Variants in PAIP1 observed in about 807,000 individuals in gnomAD.
The protein encoded by PAIP1 is poly(A) binding protein interacting protein 1.
In PAIP1, 16 loss-of-function variants were observed where a neutral mutation model predicts 61.3. The ratio of observed to expected loss-of-function variants is 0.26; its 90% CI spans 0.18 to 0.40. The LOEUF (loss-of-function observed/expected upper bound fraction) is 0.40. PAIP1 is among the 10% of genes least tolerant of loss of function. The pLI, the probability that PAIP1 is intolerant of heterozygous loss-of-function variation, is 1.00. For synonymous variants in PAIP1, 187 were observed against 226.2 expected, an observed-to-expected ratio of 0.83 and a Z score of 1.56; for missense variants, 416 against 600.9, an observed-to-expected ratio of 0.69 and a Z score of 3.22.
chr5:43,556,782 C>A lies in PAIP1; in HGVS notation c.65G>T (p.Gly22Val). Residue 22 changes from glycine to valine, a missense_variant, in exon 1 of 11, where the codon GGA becomes GTA. Physicochemically the swap from Gly to Val is moderately radical, Grantham distance 109. This residue lies in a region of PAIP1 where 97 missense variants were observed against 89.5 expected (regional missense o/e 1.08). Coordinates refer to ENST00000306846, the MANE Select transcript of PAIP1 (RefSeq NM_006451.5). ...ACCGCCGCCCTCAGGCCCGCCCCCTCCGCGGCCCAGGCCCCGGCTCCGGCC... is the reference window on the plus strand; with the variant it reads ...ACCGCCGCCCTCAGGCCCGCCCCCTACGCGGCCCAGGCCCCGGCTCCGGCC... ...GRGRSRGLGRGGGGPEGGGFP... is the reference protein window; with the variant it reads ...GRGRSRGLGRVGGGPEGGGFP... 1.4e-6 allele frequency: 2 copies of A among 1,442,440 alleles called. No homozygotes were observed. The highest frequency in any genetic ancestry group is 2.3e-4 in the Middle Eastern group (1 of 4,432). 89.4% of individuals were successfully genotyped at this position (1,442,440 alleles called of 1,614,324 possible). A position where few individuals can be genotyped will look rare whatever the true frequency, so the allele number is the denominator to read the frequency against.
intron 4 of PAIP1, among the ~76,000 whole-genome samples, chr5:43,542,261 G>A (rs928179088): frequency 6.6e-6 from 1 of 151,320 alleles, no homozygotes; most frequent in African/African-American, 2.4e-5. Flanking sequence ...GGCAGTGCAG[G>A]GTGGCTCATG....
intron 10 of PAIP1, among the ~76,000 whole-genome samples, chr5:43,527,688 A>C (rs914147776): frequency 1.3e-5 from 2 of 152,204 alleles, no homozygotes; most frequent in African/African-American, 4.8e-5. Context: ...GTGTGAAATT[A>C]TAGTAAAGAA....
intron 9 of PAIP1, among the ~76,000 whole-genome samples, chr5:43,530,813 C>T (rs76617372): frequency 3.9e-4 from 59 of 152,208 alleles, no homozygotes; most frequent in African/African-American, 1.2e-3. Context: ...ATATAAACTG[C>T]AGCTGCTGCA....
intron 3 of PAIP1, among the ~76,000 whole-genome samples, chr5:43,543,719 A>C (rs1747513908): frequency 6.6e-6 from 1 of 152,220 alleles, no homozygotes; most frequent in Non-Finnish European, 1.5e-5. Context: ...AAAAGTAAGA[A>C]AACACTACAC....
At chr5:43,543,758 G>T (rs148458530) in intron 3 of PAIP1, among the ~76,000 whole-genome samples, 1 of 151,540 alleles carries the variant, frequency 6.6e-6, no homozygotes, top group African/African-American at 2.4e-5. Flanking sequence ...AACTGAAGCA[G>T]TGTTCAGCAA....
At position 43,556,863 on chromosome 5, in the gene PAIP1, C is replaced by G. The variant is rs1249688547; in HGVS notation, c.-17G>C. Reference sequence around the variant, plus strand: ...GTCCGACATGCTCCTCCTCCTCCGCCTCCTCCTCCAGGGGCCGCTGCCGCT... The same window carrying G: ...GTCCGACATGCTCCTCCTCCTCCGCGTCCTCCTCCAGGGGCCGCTGCCGCT... On this transcript the variant is annotated 5_prime_UTR_variant, in exon 1 of 11. Coordinates refer to ENST00000306846, the MANE Select transcript of PAIP1 (RefSeq NM_006451.5). 2 of 1,407,726 alleles carry G rather than the reference C, an allele frequency of 1.4e-6. No homozygotes were observed. The highest frequency in any genetic ancestry group is 1.8e-6 in the Non-Finnish European group (2 of 1,084,322). The allele number at this position is 1,407,726 out of a possible 1,614,324, so 87.2% of individuals were successfully genotyped here.
chr5:43,538,910 G>C lies in PAIP1; in HGVS notation c.846+14C>G, dbSNP rs1250003022. On this transcript the variant is annotated intron_variant, in intron 5 of 10. Coordinates refer to ENST00000306846, the MANE Select transcript of PAIP1 (RefSeq NM_006451.5). ...CAGGCCTTGTTAGTACTTAACAAAA[G>C]AAAAACTTCTCACCTCCAGGTTAAG... 1.4e-6 allele frequency: 2 copies of C among 1,437,562 alleles called. No individual in the cohort carries two copies. The highest frequency in any genetic ancestry group is 1.4e-5 in the African/African-American group (1 of 71,470). The allele number at this position is 1,437,562 out of a possible 1,614,324, so 89.1% of individuals were successfully genotyped here.
chr5:43,547,461 C>G (rs1243287835), intron 3 of PAIP1, among the ~76,000 whole-genome samples: 1 of 152,222 alleles, frequency 6.6e-6, no homozygotes, highest in Non-Finnish European at 1.5e-5. Flanking sequence ...CTATACTATA[C>G]TGCTTGTATA....
At chr5:43,546,841 G>A (rs190904388) in intron 3 of PAIP1, among the ~76,000 whole-genome samples, 2 of 151,898 alleles carry the variant, frequency 1.3e-5, no homozygotes, top group African/African-American at 2.4e-5. Flanking sequence ...TCAGGAGTTC[G>A]AGACCAGCCC....
At position 43,529,959 on chromosome 5, in the gene PAIP1, ATAT is replaced by A. The variant is rs1215000694; in HGVS notation, c.1253-83_1253-81del. On this transcript the variant is annotated intron_variant, in intron 9 of 10. Transcript: ENST00000306846. ...ACCAATCACCCCTAAATGTTTTTTA[ATAT>A]TATGACTTTTGCCCCCCTGCATGCT... is the stretch of plus-strand genomic sequence containing the variant. The A allele has an allele frequency of 2.0e-5, 15 of 735,690 alleles. No homozygotes were observed. In the Admixed American group the frequency reaches 2.3e-4, roughly 11 times the overall value. The allele number at this position is 735,690 out of a possible 1,614,324, so 45.6% of individuals were successfully genotyped here. A position where few individuals can be genotyped will look rare whatever the true frequency, so the allele number is the denominator to read the frequency against.
chr5:43,551,191 C>T (rs569248781), intron 2 of PAIP1, among the ~76,000 whole-genome samples: 1 of 152,228 alleles, frequency 6.6e-6, no homozygotes, highest in Admixed American at 6.5e-5. Flanking sequence ...ACTTAAGTGA[C>T]TGTGCATGGT....
intron 2 of PAIP1, among the ~76,000 whole-genome samples, chr5:43,551,213 T>C (rs1432948053): frequency 6.6e-6 from 1 of 152,150 alleles, no homozygotes; most frequent in East Asian, 1.9e-4. Flanking sequence ...ACAAAACTGA[T>C]TAGAAGAACT....
chr5:43,549,453 C>A (rs1023065613), intron 2 of PAIP1, among the ~76,000 whole-genome samples: 1 of 151,680 alleles, frequency 6.6e-6, no homozygotes, highest in African/African-American at 2.4e-5. Flanking sequence ...ATACGTCTCA[C>A]GAGATCTGAT....
intron 3 of PAIP1, among the ~76,000 whole-genome samples, chr5:43,546,101 C>T (rs998014746): frequency 1.3e-5 from 2 of 152,220 alleles, no homozygotes. Flanking sequence ...AATACTTCCT[C>T]GTTTGTTAGT....
chr5:43,535,736 G>C, intron 6 of PAIP1, 96 bp from the exon 7 acceptor site: 1 of 683,212 alleles, frequency 1.5e-6, no homozygotes, highest in Non-Finnish European at 2.5e-6. Context: ...CTCTAAACAA[G>C]ATGAATTTAG....
chr5:43,555,452 T>C (rs1230859929), intron 2 of PAIP1, among the ~76,000 whole-genome samples: 1 of 152,254 alleles, frequency 6.6e-6, no homozygotes, highest in Non-Finnish European at 1.5e-5. Context: ...TTAAAGTTGT[T>C]ATATAAGTGA....
chr5:43,556,799 G>A lies in PAIP1; in HGVS notation c.48C>T (p.Ser16=). Reference sequence around the variant, plus strand: ...CGCCCCCTCCGCGGCCCAGGCCCCGGCTCCGGCCCCGACCAGCACCTGGGG... The same window carrying A: ...CGCCCCCTCCGCGGCCCAGGCCCCGACTCCGGCCCCGACCAGCACCTGGGG... ...DRAPGAGRGR[S]RGLGRGGGGP... The change falls in exon 1 of 11, where the codon AGC becomes AGT. Residue 16 remains serine, a synonymous_variant. Transcript: ENST00000306846. 1.4e-6 allele frequency: 2 copies of A among 1,453,842 alleles called. No homozygotes were observed. The highest frequency in any genetic ancestry group is 2.7e-5 in the Admixed American group (1 of 36,726). The allele number at this position is 1,453,842 out of a possible 1,614,324, so 90.1% of individuals were successfully genotyped here.
intron 5 of PAIP1, among the ~76,000 whole-genome samples, 154 bp downstream of exon 5, chr5:43,538,768 CCA>C (rs1421223225): frequency 1.3e-5 from 2 of 152,208 alleles, no homozygotes; most frequent in African/African-American, 4.8e-5. Flanking sequence ...GTCCAGTAAA[CCA>C]CAGACACTAG....
intron 5 of PAIP1, among the ~76,000 whole-genome samples, chr5:43,537,503 A>T (rs1213067785): frequency 6.6e-6 from 1 of 152,186 alleles, no homozygotes; most frequent in Non-Finnish European, 1.5e-5. Flanking sequence ...TCAAAAAACT[A>T]AGTCTACCTG....
Sources: gnomAD v4.1 joint callset for allele counts (sites outside exome capture counted in the v4.1 genomes callset) on GRCh38, gnomAD v4.1.1 for gene constraint, gnomAD v4.1.1 regional missense constraint, MANE v1.5 for transcripts, NCBI Gene and HGNC (gene_info 2026-07-23, HGNC 2026-07-21) for gene names.